The following RGS5 variants were observed in gnomAD, a reference collection of about 807,000 sequenced individuals.
RGS5 encodes the protein regulator of G-protein signalling 5.
RGS5 carries 20 observed loss-of-function variants against 18.9 expected under a neutral mutation model. That is an observed-to-expected ratio of 1.06 (90% CI 0.74 to 1.54). The LOEUF is 1.54. Ranked by LOEUF, RGS5 falls within the 40% of genes most tolerant of loss-of-function variation. The probability of loss-of-function intolerance (pLI) is 0.00; values close to 1 mark genes in which losing one functional copy is unlikely to be tolerated. For synonymous variants in RGS5, 57 were observed against 76.2 expected, an observed-to-expected ratio of 0.75 and a Z score of 1.31; for missense variants, 201 against 211.8, an observed-to-expected ratio of 0.95 and a Z score of 0.32.
chr1:163,299,497 TA>T (rs1438846327), intron 2 of RGS5, among the ~76,000 whole-genome samples: 1 of 152,214 alleles, frequency 6.6e-6, no homozygotes, highest in Non-Finnish European at 1.5e-5. Context: ...GAAGGTCCCT[TA>T]ATGTCTGAAT....
intron 1 of RGS5, among the ~76,000 whole-genome samples, chr1:163,174,862 G>A (rs1401262371): frequency 1.3e-5 from 2 of 152,208 alleles, no homozygotes; most frequent in Non-Finnish European, 2.9e-5. Flanking sequence ...CAGCGAGAAG[G>A]AAGAAGAGAG....
intron 1 of RGS5, among the ~76,000 whole-genome samples, chr1:163,175,641 T>C (rs1019140985): frequency 4.6e-5 from 7 of 152,336 alleles, no homozygotes; most frequent in African/African-American, 1.2e-4. Context: ...CCATCTACCC[T>C]ATTTCTGAAT....
rs148642861 is a variant in RGS5 at position 163,258,729 on chromosome 1, G to A, written c.-281+47504C>T. ...GTTGCCTAGGGTGGAGTGCAGTGGT[G>A]CAATGATAGCTCACTGCAGCCTTGA... On this transcript the variant is annotated intron_variant, in intron 2 of 5. Transcript: ENST00000618415. 4.9e-3 allele frequency among the ~76,000 whole-genome samples: 740 copies of A among 152,056 alleles called. 5 individuals carry two copies. Among genetic ancestry groups the A allele is most frequent in the African/African-American group, 0.017 (696 of 41,480 alleles).
chr1:163,289,742 C>A (rs1649232952), intron 2 of RGS5, among the ~76,000 whole-genome samples: 1 of 152,124 alleles, frequency 6.6e-6, no homozygotes, highest in Non-Finnish European at 1.5e-5. Flanking sequence ...CTCAGTGCAA[C>A]TATACGCCAT....
intron 2 of RGS5, among the ~76,000 whole-genome samples, chr1:163,226,472 C>G (rs1476226006): frequency 6.6e-6 from 1 of 152,114 alleles, no homozygotes; most frequent in African/African-American, 2.4e-5. Context: ...GGAGGAAGCA[C>G]TGCTCAACTG....
In RGS5 at chr1:163,214,630, T is replaced by C. The variant is rs144834975; in HGVS notation, c.69+2896A>G. On this transcript the variant is annotated intron_variant, in intron 1 of 5. Transcript: ENST00000367903. Reference sequence around the variant, plus strand: ...ACCCCTACCACCAACCACAGCTCCTTTATCTCTCTCCTCCCCATTATGGCC... The same window carrying C: ...ACCCCTACCACCAACCACAGCTCCTCTATCTCTCTCCTCCCCATTATGGCC... Among the ~76,000 whole-genome samples, 703 of 152,216 alleles carry C rather than the reference T, an allele frequency of 4.6e-3. 8 individuals carry two copies. The highest frequency in any genetic ancestry group is 0.015 in the African/African-American group (618 of 41,552).
At chr1:163,178,488 T>C (rs1422189413) in intron 1 of RGS5, among the ~76,000 whole-genome samples, 2 of 152,008 alleles carry the variant, frequency 1.3e-5, no homozygotes, top group African/African-American at 4.8e-5. Context: ...AGGGAGGTGG[T>C]AGGAGCACAG....
intron 1 of RGS5, among the ~76,000 whole-genome samples, chr1:163,197,821 A>G (rs557226293): frequency 3.9e-5 from 6 of 152,298 alleles, no homozygotes; most frequent in South Asian, 2.1e-4. Flanking sequence ...AAGCTCTGCT[A>G]GGACCTCTCT....
intron 1 of RGS5, among the ~76,000 whole-genome samples, chr1:163,217,183 G>A (rs1330682381): frequency 6.6e-6 from 1 of 152,070 alleles, no homozygotes; most frequent in Non-Finnish European, 1.5e-5. Context: ...AAACCTCCAT[G>A]ACACAAGTTT....
chr1:163,203,110 ACT>A (rs915952345), upstream of RGS5: 2 of 372,994 alleles, frequency 5.4e-6, no homozygotes, highest in African/African-American at 4.1e-5. Context: ...TTATCACAAC[ACT>A]CTCTTGCTAA....
intron 2 of RGS5, among the ~76,000 whole-genome samples, chr1:163,282,936 T>C (rs1237995480): frequency 6.6e-6 from 1 of 152,088 alleles, no homozygotes; most frequent in African/African-American, 2.4e-5. Flanking sequence ...ATATACATAA[T>C]GGAATACTAT....
At position 163,308,097 on chromosome 1, in the gene RGS5, C is replaced by CA. The variant is rs200730239; in HGVS notation, c.-377-1769dup. 2.6e-5 allele frequency among the ~76,000 whole-genome samples: 4 copies of CA among 152,230 alleles called. No homozygotes were observed. In the East Asian group the frequency reaches 7.7e-4, roughly 29 times the overall value. ...ATTCAGTTGGTCTGTGGGTGGGGTC[C>CA]AAAAATTTGAGTTTCAAACAAGTTC... is the stretch of plus-strand genomic sequence containing the variant. On this transcript the variant is annotated intron_variant, in intron 1 of 5. Coordinates refer to the RGS5 transcript ENST00000618415.
rs539016624 is a variant in RGS5 at position 163,163,959 on chromosome 1, T to C, written c.156-1983A>G. Reference sequence around the variant, plus strand: ...AGGTATACCAAACTTAAGCATGTTATCCAATCTGATTTTTCCCAAATGGCC... The same window carrying C: ...AGGTATACCAAACTTAAGCATGTTACCCAATCTGATTTTTCCCAAATGGCC... On this transcript the variant is annotated intron_variant, in intron 2 of 4. Coordinates refer to ENST00000313961, the MANE Select transcript of RGS5 (RefSeq NM_003617.4). Among the ~76,000 whole-genome samples, 87 of 152,324 alleles carry C rather than the reference T, an allele frequency of 5.7e-4. 1 individual carries two copies. In the South Asian group the frequency reaches 0.018, roughly 31 times the overall value.
intron 2 of RGS5, among the ~76,000 whole-genome samples, chr1:163,246,175 C>T (rs760968281): frequency 1.6e-4 from 24 of 150,860 alleles, no homozygotes; most frequent in African/African-American, 5.6e-4. Flanking sequence ...GAGCCAAGAT[C>T]GCGCCACTGC....
rs1657050711 is a variant in RGS5 at position 163,144,461 on chromosome 1, TGAGA to T, written c.*2877_*2880del. 1 of 152,368 alleles carries T rather than the reference TGAGA, an allele frequency of 6.6e-6. No individual in the cohort carries two copies. Among genetic ancestry groups the T allele is most frequent in the Non-Finnish European group, 1.5e-5 (1 of 68,008 alleles). The allele number at this position is 152,368 out of a possible 1,614,324, so 9.4% of individuals were successfully genotyped here. On this transcript the variant is annotated 3_prime_UTR_variant, in exon 5 of 5. Coordinates refer to ENST00000313961, the MANE Select transcript of RGS5 (RefSeq NM_003617.4). ...TAATCTTAGGTTTTTTTCTCAAGAG[TGAGA>T]ACCATATTCTCCTATTTCCATTGAC...
rs76770876 is a variant in RGS5 at position 163,199,518 on chromosome 1, C to T, written c.44+3274G>A. The stretch of plus-strand genomic sequence containing the variant: ...GCGGCAGATTTTTGGATATCCTTAC[C>T]CATTATATATATTCCACCCTTTAAT... On this transcript the variant is annotated intron_variant, in intron 1 of 4. Coordinates refer to ENST00000313961, the MANE Select transcript of RGS5 (RefSeq NM_003617.4). Among the ~76,000 whole-genome samples the T allele has an allele frequency of 6.5e-3, 981 of 151,988 alleles. 7 individuals are homozygous for T. Among genetic ancestry groups the T allele is most frequent in the Middle Eastern group, 0.01 (3 of 294 alleles).
intron 2 of RGS5, among the ~76,000 whole-genome samples, chr1:163,292,127 C>T (rs190590619): frequency 3.3e-5 from 5 of 152,142 alleles, no homozygotes; most frequent in African/African-American, 9.6e-5. Flanking sequence ...AGGTATTAAG[C>T]CGAGCATCCA....
intron 2 of RGS5, among the ~76,000 whole-genome samples, chr1:163,241,875 T>TG (rs1194166100): frequency 2.0e-5 from 3 of 152,246 alleles, no homozygotes; most frequent in Non-Finnish European, 4.4e-5. Context: ...GTTGACTTCC[T>TG]GGGGATATAA....
chr1:163,215,251 T>C (rs1660192648), intron 1 of RGS5, among the ~76,000 whole-genome samples: 2 of 152,178 alleles, frequency 1.3e-5, no homozygotes, highest in Non-Finnish European at 2.9e-5. Flanking sequence ...GGCTGCATAG[T>C]ATAATGGTAG....
Sources: allele counts gnomAD v4.1 joint callset (sites outside exome capture counted in the v4.1 genomes callset), GRCh38; gene constraint gnomAD v4.1.1; transcripts MANE v1.5; gene names NCBI Gene and HGNC (gene_info 2026-07-23, HGNC 2026-07-21).